The following RPS6KA2 variants were observed in gnomAD, a reference collection of about 807,000 sequenced individuals.
The protein encoded by RPS6KA2 is ribosomal protein S6 kinase A2.
RPS6KA2 carries 42 observed loss-of-function variants against 91.8 expected under a neutral mutation model. That is an observed-to-expected ratio of 0.46 (90% CI 0.36 to 0.59). RPS6KA2 has a LOEUF of 0.59. Among genes scored for constraint, RPS6KA2 ranks in the 20% least tolerant of loss-of-function variants. The pLI is 0.00. For synonymous variants in RPS6KA2, 414 were observed against 393.6 expected (o/e 1.05, Z -0.61); for missense variants, 798 against 978.5 (o/e 0.82, Z 2.46).
chr6:166,712,188 A>T (rs969465471), intron 2 of RPS6KA2, among the ~76,000 whole-genome samples: 3 of 152,218 alleles, frequency 2.0e-5, no homozygotes, highest in Admixed American at 6.5e-5. Context: ...AAATTCTGGC[A>T]GCCCAGGTAC....
intron 2 of RPS6KA2, among the ~76,000 whole-genome samples, chr6:166,699,489 T>G (rs567546670): frequency 6.6e-6 from 1 of 152,242 alleles, no homozygotes; most frequent in African/African-American, 2.4e-5. Flanking sequence ...CTAGTCTGTA[T>G]AGAAATTCAT....
intron 2 of RPS6KA2, among the ~76,000 whole-genome samples, chr6:166,792,925 T>A (rs10806860): frequency 0.3 from 45,201 of 151,764 alleles, 6,994 homozygotes; most frequent in Middle Eastern, 0.35. Context: ...ACTGGAAGCA[T>A]TCCCTTTGAA....
intron 2 of RPS6KA2, among the ~76,000 whole-genome samples, chr6:166,802,265 G>A (rs981137654): frequency 1.5e-4 from 23 of 148,766 alleles, no homozygotes; most frequent in East Asian, 5.9e-4. Context: ...GTGAGACTCC[G>A]TCTCAAAATA....
intron 16 of RPS6KA2, among the ~76,000 whole-genome samples, chr6:166,427,535 T>C (rs1459616361): frequency 2.0e-5 from 3 of 152,296 alleles, no homozygotes; most frequent in South Asian, 2.1e-4. Context: ...GATGACATGA[T>C]TGTATATCTA....
At chr6:166,604,187 T>C (rs1393580725) in intron 1 of RPS6KA2, among the ~76,000 whole-genome samples, 1 of 152,232 alleles carries the variant, frequency 6.6e-6, no homozygotes, top group Non-Finnish European at 1.5e-5. Context: ...TGGACAGCTC[T>C]GCATGGAGAT....
chr6:166,791,947 T>G (rs1779100995), intron 2 of RPS6KA2, among the ~76,000 whole-genome samples: 1 of 151,666 alleles, frequency 6.6e-6, no homozygotes, highest in African/African-American at 2.4e-5. Flanking sequence ...AACATCACAA[T>G]TAAAGAACTA....
intron 3 of RPS6KA2, among the ~76,000 whole-genome samples, chr6:166,522,551 T>A (rs1782895642): frequency 6.6e-6 from 1 of 152,226 alleles, no homozygotes; most frequent in Non-Finnish European, 1.5e-5. Flanking sequence ...CACTTTCGCC[T>A]GAGACTTACC....
At chr6:166,841,978 T>C (rs10806867) in intron 2 of RPS6KA2, among the ~76,000 whole-genome samples, 86,621 of 151,732 alleles carry the variant, frequency 0.57, 25,815 homozygotes, top group Middle Eastern at 0.74. Flanking sequence ...TCAAGCAGGA[T>C]CTGGCATCTC....
At position 166,480,503 on chromosome 6, in the gene RPS6KA2, AT is replaced by A. The variant is rs371828297; in HGVS notation, c.907+8329del. Among the ~76,000 whole-genome samples, 415 of 125,358 alleles carry A rather than the reference AT, an allele frequency of 3.3e-3. 15 individuals are homozygous for A. The highest frequency in any genetic ancestry group is 0.011 in the African/African-American group (357 of 32,944). 82.2% of individuals were successfully genotyped at this position (125,358 alleles called of 152,430 possible). On this transcript the variant is annotated intron_variant, in intron 10 of 20. Transcript: ENST00000265678. Reference sequence around the variant, plus strand: ...TTTATATATATATATATATATATATATATATATATATAATATATTTTTTTTT... The same window carrying A: ...TTTATATATATATATATATATATATAATATATATATAATATATTTTTTTTT...
At chr6:166,465,179 G>A (rs758054119) in intron 11 of RPS6KA2, 9 of 152,240 alleles carry the variant, frequency 5.9e-5, no homozygotes, top group Non-Finnish European at 1.0e-4. Context: ...AGGAGTGTCT[G>A]CATTGCAGAG....
intron 11 of RPS6KA2, among the ~76,000 whole-genome samples, chr6:166,468,627 G>T (rs1388572217): frequency 6.6e-6 from 1 of 151,938 alleles, no homozygotes; most frequent in Non-Finnish European, 1.5e-5. Flanking sequence ...ACTTTGGGAG[G>T]CCAAGGTGGG....
intron 3 of RPS6KA2, among the ~76,000 whole-genome samples, chr6:166,529,363 T>C (rs576511925): frequency 1.8e-4 from 28 of 152,202 alleles, no homozygotes; most frequent in African/African-American, 5.5e-4. Flanking sequence ...TAGGTGGGAA[T>C]TGAACAACGA....
chr6:166,709,382 C>T (rs1789782281), intron 2 of RPS6KA2, among the ~76,000 whole-genome samples: 1 of 150,690 alleles, frequency 6.6e-6, no homozygotes, highest in Non-Finnish European at 1.5e-5. Context: ...CATCCCGGCA[C>T]TTTGGGTGGC....
intron 2 of RPS6KA2, among the ~76,000 whole-genome samples, chr6:166,695,799 G>A (rs1053547049): frequency 1.6e-4 from 22 of 137,964 alleles, no homozygotes; most frequent in African/African-American, 7.8e-4. Flanking sequence ...AGGAGCACTG[G>A]ATTCTCATAG....
At chr6:166,572,738 G>A (rs974979236) in intron 1 of RPS6KA2, among the ~76,000 whole-genome samples, 1 of 152,198 alleles carries the variant, frequency 6.6e-6, no homozygotes, top group African/African-American at 2.4e-5. Context: ...GGGTCCTTGG[G>A]GGACACAAGC....
chr6:166,464,252 AC>A (rs899411999), intron 11 of RPS6KA2, among the ~76,000 whole-genome samples: 7 of 152,082 alleles, frequency 4.6e-5, no homozygotes, highest in Admixed American at 3.9e-4. Context: ...TTCAGGGCAC[AC>A]CCCACGCGCT....
In RPS6KA2 at chr6:166,557,847, C is replaced by T. The variant is rs1784220251; in HGVS notation, c.100-19063G>A. ...TGCAAAACATTTTAGCCCCAGTTCA[C>T]CATCCAAATAGAAAGCCTGTTACAC... On this transcript the variant is annotated intron_variant, in intron 1 of 20. Coordinates refer to ENST00000265678, the MANE Select transcript of RPS6KA2 (RefSeq NM_021135.6). This position sits in a 1 kb window ranked among gnomAD's most constrained non-coding sequence, Gnocchi z 4.8. Among the ~76,000 whole-genome samples the T allele has an allele frequency of 6.6e-6, 1 of 152,098 alleles. No individual in the cohort carries two copies. Among genetic ancestry groups the T allele is most frequent in the East Asian group, 1.9e-4 (1 of 5,198 alleles).
At chr6:166,843,974 G>A (rs1253106260) in intron 2 of RPS6KA2, among the ~76,000 whole-genome samples, 2 of 151,824 alleles carry the variant, frequency 1.3e-5, no homozygotes, top group Non-Finnish European at 2.9e-5. Flanking sequence ...AGCTACTTAA[G>A]GAGGCACCAG....
Position 166,500,393 on chromosome 6 carries a change from G to A in RPS6KA2, c.604+494C>T, listed in dbSNP as rs1157458597. ...GGCTGCCAGGGCTCAGATGGAAACA[G>A]GGAGGGAAGTCACGTGGCCACCACC... On this transcript the variant is annotated intron_variant, in intron 7 of 20. Transcript: ENST00000265678. This position sits in a 1 kb window ranked among gnomAD's most constrained non-coding sequence, Gnocchi z 4.3. Among the ~76,000 whole-genome samples the A allele has an allele frequency of 6.6e-6, 1 of 152,226 alleles. No homozygotes were observed. The highest frequency in any genetic ancestry group is 1.5e-5 in the Non-Finnish European group (1 of 68,040).
Sources: gnomAD v4.1 joint callset for allele counts (sites outside exome capture counted in the v4.1 genomes callset) on GRCh38, gnomAD v4.1.1 for gene constraint, Gnocchi (gnomAD v3.1) non-coding constraint, MANE v1.5 for transcripts, NCBI Gene and HGNC (gene_info 2026-07-23, HGNC 2026-07-21) for gene names.